The following PHKB variants were observed in gnomAD, a reference collection of about 807,000 sequenced individuals.
PHKB encodes the protein phosphorylase b kinase regulatory subunit beta.
PHKB carries 122 observed loss-of-function variants against 152.1 expected under a neutral mutation model. The observed-to-expected ratio is 0.80, with a 90% confidence interval of 0.69 to 0.93. PHKB has a LOEUF of 0.93. Ranked by LOEUF, PHKB falls within the 40% of genes least tolerant of loss-of-function variation. The probability of loss-of-function intolerance (pLI) is 0.00; values close to 1 mark genes in which losing one functional copy is unlikely to be tolerated. For synonymous variants in PHKB, 436 were observed against 464.9 expected (o/e 0.94, Z 0.80); for missense variants, 1,304 against 1,328.4 (o/e 0.98, Z 0.29).
intron 14 of PHKB, among the ~76,000 whole-genome samples, chr16:47,616,803 G>A (rs1019711624): frequency 6.6e-6 from 1 of 151,762 alleles, no homozygotes; most frequent in Non-Finnish European, 1.5e-5. Context: ...GGATCTCACT[G>A]CCTTCAGAGC....
intron 20 of PHKB, among the ~76,000 whole-genome samples, chr16:47,657,469 A>G (rs1204686965): frequency 6.6e-6 from 1 of 152,196 alleles, no homozygotes; most frequent in Non-Finnish European, 1.5e-5. Context: ...CCGGTGGGAT[A>G]TAATTGAGTG....
At chr16:47,696,898 T>A (rs771383755) in intron 29 of PHKB, among the ~76,000 whole-genome samples, 1 of 152,214 alleles carries the variant, frequency 6.6e-6, no homozygotes, top group Non-Finnish European at 1.5e-5. Flanking sequence ...GTTTAGAAAA[T>A]TATAGAAAAG....
Position 47,648,058 on chromosome 16 carries a change from T to C in PHKB, c.1609-475T>C, listed in dbSNP as rs1473817453. Among the ~76,000 whole-genome samples, 3 of 152,152 alleles carry C rather than the reference T, an allele frequency of 2.0e-5. No homozygotes were observed. The East Asian group carries it at 5.8e-4, about 29-fold the overall frequency. On this transcript the variant is annotated intron_variant, in intron 16 of 30. Coordinates refer to ENST00000323584, the MANE Select transcript of PHKB (RefSeq NM_000293.3). ...GGGATTGTGAAAATAAACAGGAACA[T>C]TCACTTTGAGTACGTGGTTTGAATA...
At chr16:47,499,624 G>T in intron 2 of PHKB, 132 bp from the exon 3 acceptor site, 1 of 1,018,442 alleles carries the variant, frequency 9.8e-7, no homozygotes, top group Non-Finnish European at 1.5e-6. Flanking sequence ...ATCTTCAGAA[G>T]TATTGTACTA....
At chr16:47,511,600 T>TTAATCTATAGTCTTGGA in intron 4 of PHKB, 65 bp from the exon 5 acceptor site, 2 of 1,162,974 alleles carry the variant, frequency 1.7e-6, no homozygotes, top group Non-Finnish European at 2.6e-6. Flanking sequence ...AAAATAGCTT[T>TTAATCTATAGTCTTGGA]TAATCTATAG....
intron 20 of PHKB, among the ~76,000 whole-genome samples, chr16:47,654,986 A>T (rs1452875094): frequency 6.6e-6 from 1 of 152,156 alleles, no homozygotes; most frequent in African/African-American, 2.4e-5. Flanking sequence ...AAAAAATTAG[A>T]TAACAAGTTG....
chr16:47,579,701 A>G (rs1333245068), intron 7 of PHKB, among the ~76,000 whole-genome samples: 1 of 152,188 alleles, frequency 6.6e-6, no homozygotes, highest in Non-Finnish European at 1.5e-5. Context: ...CCAAAAGAGT[A>G]GGACACTAAG....
chr16:47,538,864 T>G (rs2151666590), intron 6 of PHKB, among the ~76,000 whole-genome samples: 1 of 152,352 alleles, frequency 6.6e-6, no homozygotes, highest in African/African-American at 2.4e-5. Context: ...TCACCTTGGC[T>G]TTCTGTGTTA....
At chr16:47,540,146 C>T (rs963291693) in intron 6 of PHKB, among the ~76,000 whole-genome samples, 5 of 152,038 alleles carry the variant, frequency 3.3e-5, no homozygotes, top group East Asian at 1.9e-4. Flanking sequence ...GGTCTATAAA[C>T]GGCCACTGTG....
At chr16:47,473,358 A>C (rs1466041072) in intron 1 of PHKB, among the ~76,000 whole-genome samples, 1 of 149,926 alleles carries the variant, frequency 6.7e-6, no homozygotes, top group Non-Finnish European at 1.5e-5. Context: ...TATAGGCGTG[A>C]GCCACTGCAC....
intron 7 of PHKB, among the ~76,000 whole-genome samples, chr16:47,571,395 C>T (rs967869305): frequency 2.0e-5 from 3 of 152,132 alleles, no homozygotes; most frequent in Non-Finnish European, 4.4e-5. Flanking sequence ...CAGTGAAATG[C>T]ACTGAGGTCT....
At chr16:47,614,478 C>G (rs1042031454) in intron 14 of PHKB, among the ~76,000 whole-genome samples, 12 of 152,140 alleles carry the variant, frequency 7.9e-5, no homozygotes, top group Non-Finnish European at 1.8e-4. Flanking sequence ...TCTTAGAATT[C>G]CACTTTAATT....
chr16:47,599,032 G>A lies in PHKB; in HGVS notation c.1363+2501G>A, dbSNP rs967459307. ...AGCGCCAACGATTCGATCAACACAT[G>A]AAATAGTTTTCTTAGAATCAACCCA... On this transcript the variant is annotated intron_variant, in intron 13 of 30. Coordinates refer to ENST00000323584, the MANE Select transcript of PHKB (RefSeq NM_000293.3). 7 of 699,040 alleles carry A rather than the reference G, an allele frequency of 1.0e-5. No individual in the cohort carries two copies. In the African/African-American group the frequency reaches 1.1e-4, roughly 11 times the overall value. 43.3% of individuals were successfully genotyped at this position (699,040 alleles called of 1,614,324 possible).
At chr16:47,684,591 C>A (rs1973927126) in intron 26 of PHKB, among the ~76,000 whole-genome samples, 1 of 151,838 alleles carries the variant, frequency 6.6e-6, no homozygotes, top group East Asian at 1.9e-4. Context: ...ACAGTGAAAC[C>A]CCGTCTCTAC....
chr16:47,618,941 G>T (rs1972569184), intron 14 of PHKB, among the ~76,000 whole-genome samples: 1 of 152,120 alleles, frequency 6.6e-6, no homozygotes, highest in Non-Finnish European at 1.5e-5. Context: ...TAGAGAATGT[G>T]TCTTACTCTT....
intron 9 of PHKB, among the ~76,000 whole-genome samples, chr16:47,587,990 T>C (rs145724528): frequency 9.2e-5 from 14 of 152,270 alleles, no homozygotes; most frequent in East Asian, 1.9e-4. Flanking sequence ...TGCAGGAGAA[T>C]AGAAAAACAG....
intron 16 of PHKB, among the ~76,000 whole-genome samples, chr16:47,642,491 A>G (rs1250253075): frequency 6.6e-6 from 1 of 152,184 alleles, no homozygotes; most frequent in Admixed American, 6.5e-5. Context: ...TTATTTAGTA[A>G]TTGTTAAAAA....
chr16:47,492,404 T>A (rs1422280223), intron 1 of PHKB, among the ~76,000 whole-genome samples: 1 of 152,196 alleles, frequency 6.6e-6, no homozygotes, highest in Admixed American at 6.5e-5. Flanking sequence ...AATTTAAAAG[T>A]CAACTGCTGA....
intron 12 of PHKB, among the ~76,000 whole-genome samples, chr16:47,595,373 G>C (rs1264341562): frequency 6.6e-6 from 1 of 152,132 alleles, no homozygotes; most frequent in African/African-American, 2.4e-5. Context: ...GAAAAATTAA[G>C]TTTACTGTGG....
Sources: gnomAD v4.1 joint callset for allele counts (sites outside exome capture counted in the v4.1 genomes callset) on GRCh38, gnomAD v4.1.1 for gene constraint, MANE v1.5 for transcripts, NCBI Gene and HGNC (gene_info 2026-07-23, HGNC 2026-07-21) for gene names.